Variants in MXRA7 observed in about 807,000 individuals in gnomAD.
MXRA7 encodes matrix-remodeling-associated protein 7.
In MXRA7, 18 loss-of-function variants were observed where a neutral mutation model predicts 17.4. The ratio of observed to expected loss-of-function variants is 1.03; its 90% CI spans 0.71 to 1.53. The LOEUF (loss-of-function observed/expected upper bound fraction) is 1.53. Among genes scored for constraint, MXRA7 ranks in the 40% most tolerant of loss-of-function variants. The pLI is 0.00. For synonymous variants in MXRA7, 70 were observed against 101.7 expected (o/e 0.69, Z 1.87); for missense variants, 141 against 209.3 (o/e 0.67, Z 2.01).
At chr17:76,706,803 C>T (rs1207188067) in intron 1 of MXRA7, among the ~76,000 whole-genome samples, 1 of 152,260 alleles carries the variant, frequency 6.6e-6, no homozygotes, top group African/African-American at 2.4e-5. Context: ...TTTGTTCCAA[C>T]ATTCTCTTTT....
exon 4 of MXRA7, chr17:76,672,699 T>G (rs982734843): frequency 2.0e-5 from 3 of 151,842 alleles, no homozygotes; most frequent in Non-Finnish European, 2.9e-5. Context: ...CTCTGTGGCG[T>G]TAAGAAAAAT....
intron 1 of MXRA7, among the ~76,000 whole-genome samples, chr17:76,706,406 A>G (rs1450282843): frequency 6.7e-6 from 1 of 150,278 alleles, no homozygotes; most frequent in African/African-American, 2.5e-5. Context: ...CTGCCGTCAC[A>G]GAGGCCCACA....
downstream of MXRA7, chr17:76,675,740 T>C (rs2076235562): frequency 6.6e-6 from 1 of 151,762 alleles, no homozygotes; most frequent in African/African-American, 2.4e-5. Context: ...AGAAAAACAC[T>C]CGTATTTGGA....
rs1460146640 is a variant in MXRA7, at chr17:76,680,775, C to T, written c.*92G>A. Reference sequence around the variant, plus strand: ...AGGCAGCATGCACCCTGGGAGCCTGCCCAGACTCCTCTCTGGGGTTTCCGT... The same window carrying T: ...AGGCAGCATGCACCCTGGGAGCCTGTCCAGACTCCTCTCTGGGGTTTCCGT... On this transcript the variant is annotated 3_prime_UTR_variant, in exon 4 of 4. Coordinates refer to ENST00000449428, the MANE Select transcript of MXRA7 (RefSeq NM_198530.4). 12 of 1,545,790 alleles carry T rather than the reference C, an allele frequency of 7.8e-6. No homozygotes were observed. Among genetic ancestry groups the T allele is most frequent in the Non-Finnish European group, 9.6e-6 (11 of 1,146,308 alleles).
intron 2 of MXRA7, 87 bp downstream of exon 2, chr17:76,688,026 C>A: frequency 1.7e-6 from 2 of 1,174,974 alleles, no homozygotes; most frequent in Non-Finnish European, 2.5e-6. Flanking sequence ...CCTCGGCACT[C>A]GAACCCCAGC....
chr17:76,708,994 G>A (rs2076691227), intron 1 of MXRA7, among the ~76,000 whole-genome samples: 1 of 152,168 alleles, frequency 6.6e-6, no homozygotes, highest in African/African-American at 2.4e-5. Flanking sequence ...CCAGACAGTG[G>A]CAAATTATGC....
intron 1 of MXRA7, among the ~76,000 whole-genome samples, chr17:76,694,885 G>A (rs1405240419): frequency 6.8e-6 from 1 of 147,164 alleles, no homozygotes; most frequent in Admixed American, 6.6e-5. Context: ...AAAAAATAAC[G>A]GGGGCCGGGG....
chr17:76,704,615 C>T (rs1236784532), intron 1 of MXRA7, among the ~76,000 whole-genome samples: 2 of 150,950 alleles, frequency 1.3e-5, no homozygotes, highest in Admixed American at 6.6e-5. Flanking sequence ...CGAAACCCCG[C>T]CTCTACTAAA....
intron 1 of MXRA7, among the ~76,000 whole-genome samples, chr17:76,693,604 G>C (rs1255088401): frequency 6.6e-6 from 1 of 152,186 alleles, no homozygotes; most frequent in East Asian, 1.9e-4. Flanking sequence ...CCAGCACTTT[G>C]GGAGGCTGAG....
chr17:76,697,532 G>A (rs889848123), intron 1 of MXRA7, among the ~76,000 whole-genome samples: 5 of 152,224 alleles, frequency 3.3e-5, no homozygotes, highest in African/African-American at 4.8e-5. Flanking sequence ...GGGCAGGCTG[G>A]GCTGAGCCCA....
chr17:76,672,723 A>G (rs1250138728), exon 4 of MXRA7: 2 of 152,114 alleles, frequency 1.3e-5, no homozygotes. Flanking sequence ...GAAAACTACA[A>G]TATTTTCTAT....
intron 1 of MXRA7, among the ~76,000 whole-genome samples, chr17:76,702,466 C>T (rs1256636554): frequency 6.6e-6 from 1 of 152,006 alleles, no homozygotes; most frequent in Non-Finnish European, 1.5e-5. Context: ...TATGATTGTG[C>T]CAATGCACCC....
At chr17:76,679,215 G>A (rs2076266146), downstream of MXRA7, among the ~76,000 whole-genome samples, 1 of 150,928 alleles carries the variant, frequency 6.6e-6, no homozygotes, top group African/African-American at 2.4e-5. Flanking sequence ...TTAAGCCCAC[G>A]AGGTCCAGGC....
At chr17:76,678,504 C>T (rs1022061382), downstream of MXRA7, among the ~76,000 whole-genome samples, 1 of 152,210 alleles carries the variant, frequency 6.6e-6, no homozygotes, top group Non-Finnish European at 1.5e-5. Context: ...TTGTTGTTTG[C>T]TCCACTCTGG....
intron 1 of MXRA7, chr17:76,690,009 T>TAAG (rs2076461155): frequency 7.6e-6 from 1 of 130,940 alleles, no homozygotes; most frequent in East Asian, 2.0e-4. Flanking sequence ...GACTGCATCT[T>TAAG]AAAAAAAGAA....
chr17:76,695,187 A>G (rs548674564), intron 1 of MXRA7, among the ~76,000 whole-genome samples: 3 of 152,236 alleles, frequency 2.0e-5, no homozygotes, highest in African/African-American at 7.2e-5. Context: ...AAAATAAAAC[A>G]ATAAAACCAC....
At chr17:76,706,359 A>ATCACAGAGGCCCACTCTGCCG (rs1567991033) in intron 1 of MXRA7, among the ~76,000 whole-genome samples, 992 of 39,190 alleles carry the variant, frequency 0.025, 209 homozygotes, top group East Asian at 0.058. Flanking sequence ...CCACTCTGCC[A>ATCACAGAGGCCCACTCTGCCG]TCACAGAGGC....
intron 3 of MXRA7, 78 bp downstream of exon 3, chr17:76,684,994 C>T (rs2076368051): frequency 1.7e-6 from 2 of 1,206,890 alleles, no homozygotes; most frequent in Admixed American, 1.8e-5. Context: ...TGCCAAGGGG[C>T]AGGAACATGA....
At chr17:76,686,516 C>T (rs2076399977) in intron 2 of MXRA7, among the ~76,000 whole-genome samples, 3 of 152,210 alleles carry the variant, frequency 2.0e-5, no homozygotes, top group African/African-American at 7.2e-5. Flanking sequence ...ATACAAAATC[C>T]TGCCTTGGTC....
Sources: gnomAD v4.1 joint callset for allele counts (sites outside exome capture counted in the v4.1 genomes callset) on GRCh38, gnomAD v4.1.1 for gene constraint, MANE v1.5 for transcripts, NCBI Gene and HGNC (gene_info 2026-07-23, HGNC 2026-07-21) for gene names.